Variants in KRT35 observed in about 807,000 individuals in gnomAD.
KRT35 encodes the protein keratin, type I cuticular Ha5.
In KRT35, 33 loss-of-function variants were observed where a neutral mutation model predicts 42.2. The ratio of observed to expected loss-of-function variants is 0.78; its 90% CI spans 0.59 to 1.05. KRT35 has a LOEUF of 1.05. KRT35 is among the 50% of genes least tolerant of loss of function. The probability of loss-of-function intolerance (pLI) is 0.00; values close to 1 mark genes in which losing one functional copy is unlikely to be tolerated. For missense variants in KRT35, 585 were observed against 589.2 expected (o/e 0.99, Z 0.07); for synonymous variants, 218 against 238.2 (o/e 0.92, Z 0.78).
chr17:41,480,328 A>G (rs1024896456), intron 1 of KRT35, among the ~76,000 whole-genome samples: 5 of 152,234 alleles, frequency 3.3e-5, no homozygotes, highest in African/African-American at 1.2e-4. Context: ...ATGAAAACTC[A>G]GAAGACTCAG....
rs758575937 is a variant in KRT35, at chr17:41,480,986, T to C, written c.112A>G (p.Lys38Glu). Residue 38 changes from lysine (K) to glutamate (E), a missense_variant, in exon 1 of 7, where the codon AAG (lysine) becomes GAG (glutamate). Coordinates refer to ENST00000246639, the MANE Select transcript of KRT35 (RefSeq NM_002280.6). ...GCCACAGGGGAGAGACTTGGAAGCT[T>C]GCAAGAGCTGCTGGAGTACATTGCG... is the stretch of plus-strand genomic sequence containing the variant. ...VSAMYSSSSC[K>E]LPSLSPVARS... is the part of the protein sequence containing the mutation. 4 of 1,613,966 alleles carry C rather than the reference T, an allele frequency of 2.5e-6. No homozygotes were observed. The African/African-American group carries it at 4.0e-5, about 16-fold the overall frequency.
At position 41,476,987 on chromosome 17, in the gene KRT35, G is replaced by A; in HGVS notation, c.*69C>T. 2 of 1,442,734 alleles carry A rather than the reference G, an allele frequency of 1.4e-6. No homozygotes were observed. The highest frequency in any genetic ancestry group is 1.9e-6 in the Non-Finnish European group (2 of 1,073,286). The allele number at this position is 1,442,734 out of a possible 1,614,324, so 89.4% of individuals were successfully genotyped here. ...GAAGAGAGGGGATTGGGCTACAAGG[G>A]TTAAGTTTGGGTAGAGGCCAAGTTC... On this transcript the variant is annotated 3_prime_UTR_variant, in exon 7 of 7. Transcript: ENST00000246639.
At chr17:41,478,665 G>A (rs2019213425) in intron 4 of KRT35, among the ~76,000 whole-genome samples, 169 bp downstream of exon 4, 1 of 148,590 alleles carries the variant, frequency 6.7e-6, no homozygotes, top group Non-Finnish European at 1.5e-5. Context: ...AAGTGGGTCT[G>A]TTTTGACCTT....
rs2019215761 is a variant in KRT35, at chr17:41,478,868, T to A, written c.839A>T (p.Asn280Ile). 1 of 1,613,938 alleles carries A rather than the reference T, an allele frequency of 6.2e-7. No homozygotes were observed. The highest frequency in any genetic ancestry group is 2.2e-5 in the East Asian group (1 of 44,860). The change falls in exon 4 of 7, where the codon AAC (asparagine) becomes ATC (isoleucine). Residue 280 changes from asparagine to isoleucine, a missense_variant. By Grantham distance (149) the Asn-to-Ile change is moderately radical. Transcript: ENST00000246639. ...CAACCAGTCTTCAGCATCCCGGCGG[T>A]TATTCTCCACCAGGGTTTCATACTG... ...RCQYETLVEN[N>I]RRDAEDWLDT... is the part of the protein sequence containing the mutation.
Position 41,479,679 on chromosome 17 carries a change from T to C in KRT35, c.554+20A>G, listed in dbSNP as rs780873197. 3.7e-6 allele frequency: 6 copies of C among 1,611,126 alleles called. 1 individual carries two copies. In the African/African-American group the frequency reaches 8.0e-5, roughly 22 times the overall value. The stretch of plus-strand genomic sequence containing the variant: ...CCAGTTCTAGCAGCCCCCAACCACA[T>C]GACAAGCAGGACAACTCACTTGGTC... On this transcript the variant is annotated intron_variant, in intron 2 of 6. Coordinates refer to ENST00000246639, the MANE Select transcript of KRT35 (RefSeq NM_002280.6).
At chr17:41,480,079 C>T (rs1320426841) in intron 1 of KRT35, among the ~76,000 whole-genome samples, 1 of 152,220 alleles carries the variant, frequency 6.6e-6, no homozygotes, top group Admixed American at 6.5e-5. Context: ...GTCTCCCAGG[C>T]CTACTGGGGG....
At chr17:41,479,531 T>A in intron 2 of KRT35, 28 bp from the exon 3 acceptor site, 1 of 1,606,982 alleles carries the variant, frequency 6.2e-7, no homozygotes, top group East Asian at 2.2e-5. Context: ...GGCACCTGAG[T>A]CTGCATTTCC....
In KRT35 at chr17:41,480,875, C is replaced by T. The variant is rs200189711; in HGVS notation, c.223G>A (p.Gly75Arg). 1,005 of 1,614,172 alleles carry T rather than the reference C, an allele frequency of 6.2e-4. No homozygotes were observed. The highest frequency in any genetic ancestry group is 7.6e-4 in the Non-Finnish European group (897 of 1,180,032). Residue 75 changes from glycine (G) to arginine (R), a missense_variant, in exon 1 of 7, where the codon GGA becomes AGA. Transcript: ENST00000246639. ...CCACTGTAGCTGGTAGCGAAGCCTC[C>T]AGCAGGGAGGCAGAGAGCAGGGAGG... Reference protein sequence around the residue: ...SCLPALCLPAGGFATSYSGGG... With the variant: ...SCLPALCLPARGFATSYSGGG...
rs528034349 is a variant in KRT35, at chr17:41,478,724, T to A, written c.873+110A>T. 2.6e-5 allele frequency: 33 copies of A among 1,264,706 alleles called. No homozygotes were observed. In the East Asian group the frequency reaches 7.2e-4, roughly 28 times the overall value. The allele number at this position is 1,264,706 out of a possible 1,614,324, so 78.3% of individuals were successfully genotyped here. On this transcript the variant is annotated intron_variant, in intron 4 of 6. Coordinates refer to ENST00000246639, the MANE Select transcript of KRT35 (RefSeq NM_002280.6). ...GTCTGTTTTGACCTTGTCAGCAAGG[T>A]CAAAACAGAGATGGGACTCAAAGTT...
chr17:41,478,539 G>A (rs919520597), intron 4 of KRT35, 53 bp from the exon 5 acceptor site: 130 of 1,588,064 alleles, frequency 8.2e-5, no homozygotes, highest in Non-Finnish European at 1.1e-4. Context: ...CTTGGCTTCA[G>A]AGAGCTACAG....
At chr17:41,477,439 T>C in intron 6 of KRT35, 79 bp downstream of exon 6, 3 of 1,570,278 alleles carry the variant, frequency 1.9e-6, no homozygotes, top group Non-Finnish European at 2.6e-6. Context: ...AATGCCAGGC[T>C]CTTTCTAGGC....
chr17:41,478,817 T>A lies in KRT35; in HGVS notation c.873+17A>T, dbSNP rs370296238. ...CACCACATACCCCTGTTGCACTGAC[T>A]GTTTCCAGGTACCTACCTGGGTGTC... On this transcript the variant is annotated intron_variant, in intron 4 of 6. Coordinates refer to ENST00000246639, the MANE Select transcript of KRT35 (RefSeq NM_002280.6). 5.0e-6 allele frequency: 8 copies of A among 1,608,454 alleles called. No individual in the cohort carries two copies. Among genetic ancestry groups the A allele is most frequent in the Non-Finnish European group, 6.8e-6 (8 of 1,176,814 alleles).
chr17:41,477,377 G>T, intron 6 of KRT35, 141 bp downstream of exon 6: 2 of 1,339,064 alleles, frequency 1.5e-6, no homozygotes, highest in South Asian at 1.4e-5. Context: ...CTGGAGTCAC[G>T]TGATGAGTTT....
Position 41,477,013 on chromosome 17 carries a change from A to G in KRT35, c.*43T>C, listed in dbSNP as rs2019179440. 2 of 1,515,916 alleles carry G rather than the reference A, an allele frequency of 1.3e-6. No homozygotes were observed. Among genetic ancestry groups the G allele is most frequent in the African/African-American group, 1.4e-5 (1 of 71,346 alleles). The allele number at this position is 1,515,916 out of a possible 1,614,324, so 93.9% of individuals were successfully genotyped here. A position where few individuals can be genotyped will look rare whatever the true frequency, so the allele number is the denominator to read the frequency against. On this transcript the variant is annotated 3_prime_UTR_variant, in exon 7 of 7. Coordinates refer to ENST00000246639, the MANE Select transcript of KRT35 (RefSeq NM_002280.6). ...TTAAGTTTGGGTAGAGGCCAAGTTC[A>G]AGCCCTGGAGACAATAGCCATGGCC... is the stretch of plus-strand genomic sequence containing the variant.
At chr17:41,480,034 T>G (rs2019232323) in intron 1 of KRT35, among the ~76,000 whole-genome samples, 1 of 152,216 alleles carries the variant, frequency 6.6e-6, no homozygotes, top group Non-Finnish European at 1.5e-5. Context: ...AGGAAAGGCC[T>G]GGCATGATGA....
In KRT35 at chr17:41,479,350, C is replaced by T; in HGVS notation, c.708G>A (p.Glu236=). The change falls in exon 3 of 7, where the codon GAG becomes GAA. Residue 236 remains glutamate (E), a synonymous_variant. Coordinates refer to ENST00000246639, the MANE Select transcript of KRT35 (RefSeq NM_002280.6). ...EELLCLKKNH[E]EEVNSLRCQL... is the part of the protein sequence containing the mutation. Reference sequence around the variant, plus strand: ...TCACCTTTTCCCCCATGCTCACCTCCTCATGGTTCTTCTTCAGGCAGAGCA... The same window carrying T: ...TCACCTTTTCCCCCATGCTCACCTCTTCATGGTTCTTCTTCAGGCAGAGCA... The T allele has an allele frequency of 6.2e-7, 1 of 1,613,836 alleles. No individual in the cohort carries two copies. The highest frequency in any genetic ancestry group is 8.5e-7 in the Non-Finnish European group (1 of 1,179,902).
Position 41,480,732 on chromosome 17 carries a change from G to A in KRT35, c.366C>T (p.Asn122=), listed in dbSNP as rs191074954. ...CACGGATGCGGCTCTCCAGGCTGGC[G>A]TTCTCCTGCTCCAGCTGACGCACCT... ...LEKVRQLEQE[N]ASLESRIREW... Residue 122 remains asparagine (N), a synonymous_variant, in exon 1 of 7, where the codon AAC becomes AAT. Transcript: ENST00000246639. 2.9e-5 allele frequency: 47 copies of A among 1,614,182 alleles called. No individual in the cohort carries two copies. The highest frequency in any genetic ancestry group is 2.7e-4 in the East Asian group (12 of 44,876).
chr17:41,479,377 C>T lies in KRT35; in HGVS notation c.681G>A (p.Glu227=), dbSNP rs200665710. 8.7e-6 allele frequency: 14 copies of T among 1,614,004 alleles called. No homozygotes were observed. Among genetic ancestry groups the T allele is most frequent in the Admixed American group, 8.3e-5 (5 of 59,994 alleles). Residue 227 remains glutamate (E), a synonymous_variant, in exon 3 of 7, where the codon GAG becomes GAA. Transcript: ENST00000246639. ...CATGGTTCTTCTTCAGGCAGAGCAG[C>T]TCCTCCTTCAGGGACTCCACCTGGG... ...LEAQVESLKE[E]LLCLKKNHEE...
In KRT35 at chr17:41,479,387, AG is replaced by A; in HGVS notation, c.670del (p.Leu224Ter). 3 of 1,613,520 alleles carry A rather than the reference AG, an allele frequency of 1.9e-6. No homozygotes were observed. Among genetic ancestry groups the A allele is most frequent in the Non-Finnish European group, 2.5e-6 (3 of 1,179,900 alleles). The stretch of plus-strand genomic sequence containing the variant: ...CTTCAGGCAGAGCAGCTCCTCCTTC[AG>A]GGACTCCACCTGGGCCTCCAGGTCA... ...KSDLEAQVES[L>X]KEELLCLKKN... On this transcript the variant is annotated frameshift_variant, in exon 3 of 7. Transcript: ENST00000246639. LOFTEE classifies it high-confidence loss of function.
Sources: gnomAD v4.1 joint callset for allele counts (sites outside exome capture counted in the v4.1 genomes callset) on GRCh38, gnomAD v4.1.1 for gene constraint, MANE v1.5 for transcripts, NCBI Gene and HGNC (gene_info 2026-07-23, HGNC 2026-07-21) for gene names.